The following LMO1 variants were observed in gnomAD, a reference collection of about 807,000 sequenced individuals.
The protein encoded by LMO1 is rhombotin-1.
LMO1 carries 10 observed loss-of-function variants against 18.0 expected under a neutral mutation model. The ratio of observed to expected loss-of-function variants is 0.55; its 90% CI spans 0.34 to 0.94. The LOEUF (loss-of-function observed/expected upper bound fraction) is 0.94, where lower values mean the gene tolerates loss of function less well. Ranked by LOEUF, LMO1 falls within the 40% of genes least tolerant of loss-of-function variation. The pLI is 0.02. For synonymous variants in LMO1, 77 were observed against 77.9 expected (o/e 0.99, Z 0.06); for missense variants, 183 against 205.7 (o/e 0.89, Z 0.68).
At chr11:8,261,695 A>T (rs1165263634) in intron 1 of LMO1, among the ~76,000 whole-genome samples, 1 of 152,076 alleles carries the variant, frequency 6.6e-6, no homozygotes, top group Non-Finnish European at 1.5e-5. Context: ...CATTTTTACC[A>T]AGAGGGAAGG....
At chr11:8,225,103 G>C (rs559020066) in intron 3 of LMO1, among the ~76,000 whole-genome samples, 1 of 152,038 alleles carries the variant, frequency 6.6e-6, no homozygotes, top group Non-Finnish European at 1.5e-5. Context: ...AGACCAAGTG[G>C]GGAGACAGAT....
rs372394651 is a variant in LMO1, at chr11:8,227,116, C to G, written c.240-16G>C. On this transcript the variant is annotated splice_polypyrimidine_tract_variant and intron_variant, in intron 2 of 3. Transcript: ENST00000335790. Reference sequence around the variant, plus strand: ...GCCAAAGAGCCTGCCGAGGGAAGGGCGCAGAGGACTCAGCAGCATTCTGGG... The same window carrying G: ...GCCAAAGAGCCTGCCGAGGGAAGGGGGCAGAGGACTCAGCAGCATTCTGGG... 1 of 1,606,932 alleles carries G rather than the reference C, an allele frequency of 6.2e-7. No individual in the cohort carries two copies. Among genetic ancestry groups the G allele is most frequent in the African/African-American group, 1.3e-5 (1 of 74,962 alleles).
intron 1 of LMO1, among the ~76,000 whole-genome samples, chr11:8,258,567 G>A (rs1847135796): frequency 6.6e-6 from 1 of 152,182 alleles, no homozygotes; most frequent in African/African-American, 2.4e-5. Context: ...CTGTTCCAAG[G>A]TTGAGAGACC....
At chr11:8,267,745 C>A (rs987702851), upstream of LMO1, among the ~76,000 whole-genome samples, 1 of 152,244 alleles carries the variant, frequency 6.6e-6, no homozygotes, top group African/African-American at 2.4e-5. Context: ...CAAGGTAAAA[C>A]CGCCTCTAGT....
At chr11:8,254,340 C>G (rs1199731253) in intron 1 of LMO1, among the ~76,000 whole-genome samples, 1 of 152,180 alleles carries the variant, frequency 6.6e-6, no homozygotes, top group Non-Finnish European at 1.5e-5. Context: ...ATTACAACCA[C>G]TGATAGATCG....
In LMO1 at chr11:8,224,559, AGGCAGGTGGGCAGGCG is replaced by A. The variant is rs1015829884; in HGVS notation, c.*41_*56del. The A allele has an allele frequency of 3.6e-6, 4 of 1,107,510 alleles. No individual in the cohort carries two copies. Among genetic ancestry groups the A allele is most frequent in the Non-Finnish European group, 5.3e-6 (4 of 751,166 alleles). 68.6% of individuals were successfully genotyped at this position (1,107,510 alleles called of 1,614,324 possible). On this transcript the variant is annotated 3_prime_UTR_variant, in exon 4 of 4. Coordinates refer to ENST00000335790, the MANE Select transcript of LMO1 (RefSeq NM_002315.3). ...TGGTAGAGTGGCTGGCTGGCCGGCCAGGCAGGTGGGCAGGCGGGCAGATGGACAGACGGGCCTGGAG... is the reference window on the plus strand; with the variant it reads ...TGGTAGAGTGGCTGGCTGGCCGGCCAGGCAGATGGACAGACGGGCCTGGAG...
intron 1 of LMO1, among the ~76,000 whole-genome samples, chr11:8,248,570 G>A (rs1846934930): frequency 6.6e-6 from 1 of 152,264 alleles, no homozygotes; most frequent in African/African-American, 2.4e-5. Context: ...CCTCAGACAA[G>A]TTCTGCTCTT....
At chr11:8,263,966 T>C, upstream of LMO1, 2 of 748,902 alleles carry the variant, frequency 2.7e-6, no homozygotes, top group Non-Finnish European at 3.3e-6. Flanking sequence ...GACGCACGGC[T>C]GTCCGGCTCC....
At position 8,224,404 on chromosome 11, in the gene LMO1, C is replaced by A; in HGVS notation, c.*212G>T. ...TTCCCATTTATATACAGAAGACAGA[C>A]TGTACAGGCCCGGCCTGGCCCCAGG... On this transcript the variant is annotated 3_prime_UTR_variant, in exon 4 of 4. Transcript: ENST00000335790. 1.8e-6 allele frequency: 1 copy of A among 569,888 alleles called. No homozygotes were observed. The highest frequency in any genetic ancestry group is 2.3e-5 in the South Asian group (1 of 42,856). 35.3% of individuals were successfully genotyped at this position (569,888 alleles called of 1,614,324 possible).
chr11:8,265,324 G>A (rs1329841829), upstream of LMO1, among the ~76,000 whole-genome samples: 1 of 152,128 alleles, frequency 6.6e-6, no homozygotes, highest in East Asian at 1.9e-4. Flanking sequence ...GGGGGATGGG[G>A]GGAGATTATC....
intron 1 of LMO1, among the ~76,000 whole-genome samples, chr11:8,233,887 C>T (rs1452476596): frequency 6.6e-6 from 1 of 152,182 alleles, no homozygotes; most frequent in Non-Finnish European, 1.5e-5. Context: ...CATGGTAATC[C>T]TTTTAATGTA....
intron 1 of LMO1, among the ~76,000 whole-genome samples, chr11:8,249,743 G>T (rs960198303): frequency 2.6e-5 from 4 of 152,148 alleles, no homozygotes; most frequent in African/African-American, 9.7e-5. Flanking sequence ...AATGGCCTCT[G>T]CAGTCTTGAA....
intron 3 of LMO1, 55 bp from the exon 4 acceptor site, chr11:8,224,776 G>T: frequency 1.7e-6 from 2 of 1,205,122 alleles, no homozygotes; most frequent in Non-Finnish European, 2.4e-6. Flanking sequence ...TGGGTAAGGG[G>T]GGGGCTGCAG....
intron 1 of LMO1, among the ~76,000 whole-genome samples, chr11:8,233,461 A>C (rs939303121): frequency 6.6e-6 from 1 of 152,150 alleles, no homozygotes; most frequent in Non-Finnish European, 1.5e-5. Context: ...TGCTTCTCAC[A>C]GGAGAGTGGA....
intron 1 of LMO1, among the ~76,000 whole-genome samples, chr11:8,245,494 A>C (rs1203597093): frequency 6.6e-6 from 1 of 152,208 alleles, no homozygotes; most frequent in African/African-American, 2.4e-5. Flanking sequence ...CTAGGCAAGT[A>C]GTAGCTATTT....
At chr11:8,248,997 T>A (rs34494077) in intron 1 of LMO1, among the ~76,000 whole-genome samples, 25,161 of 152,222 alleles carry the variant, frequency 0.17, 2,662 homozygotes, top group Non-Finnish European at 0.24. Context: ...GGGACAAAGC[T>A]GGGCAAGGAC....
At chr11:8,252,368 C>T (rs2134571898) in intron 1 of LMO1, among the ~76,000 whole-genome samples, 1 of 152,202 alleles carries the variant, frequency 6.6e-6, no homozygotes, top group South Asian at 2.1e-4. Flanking sequence ...GTGAGGCATT[C>T]TCTCTGGAGG....
upstream of LMO1, among the ~76,000 whole-genome samples, chr11:8,268,263 T>G (rs1183580932): frequency 6.6e-6 from 1 of 151,946 alleles, no homozygotes. Flanking sequence ...GGCGCACACA[T>G]CAGCCGCCGC....
At chr11:8,242,494 T>G (rs1378179125) in intron 1 of LMO1, among the ~76,000 whole-genome samples, 1 of 152,190 alleles carries the variant, frequency 6.6e-6, no homozygotes, top group Non-Finnish European at 1.5e-5. Flanking sequence ...AAGCGACCCC[T>G]GGAGTTTGCT....
Sources: gnomAD v4.1 joint callset for allele counts (sites outside exome capture counted in the v4.1 genomes callset) on GRCh38, gnomAD v4.1.1 for gene constraint, MANE v1.5 for transcripts, NCBI Gene and HGNC (gene_info 2026-07-23, HGNC 2026-07-21) for gene names.